TSNARE1: variants seen among roughly 807,000 people sequenced by gnomAD.
The protein encoded by TSNARE1 is t-SNARE domain-containing protein 1.
Under a neutral mutation model 62.0 loss-of-function variants are expected in TSNARE1, and 49 were observed. The ratio of observed to expected loss-of-function variants is 0.79; its 90% confidence interval spans 0.63 to 1.00. The LOEUF (loss-of-function observed/expected upper bound fraction) is 1.00, where lower values mean the gene tolerates loss of function less well. TSNARE1 is among the 50% of genes least tolerant of loss of function. The pLI, the probability that TSNARE1 is intolerant of heterozygous loss-of-function variation, is 0.00. For synonymous variants in TSNARE1, 328 were observed against 294.4 expected (o/e 1.11, Z -1.17); for missense variants, 755 against 700.1 (o/e 1.08, Z -0.88).
rs1004118182 is a variant in TSNARE1 at position 142,275,624 on chromosome 8, C to T, written c.1364-761G>A. 8.3e-5 allele frequency: 82 copies of T among 985,440 alleles called. No homozygotes were observed. In the African/African-American group the frequency reaches 1.3e-3, roughly 16 times the overall value. 61.0% of individuals were successfully genotyped at this position (985,440 alleles called of 1,614,324 possible). On this transcript the variant is annotated intron_variant, in intron 11 of 13. Coordinates refer to ENST00000524325, the MANE Select transcript of TSNARE1 (RefSeq NM_145003.5). ...TCCTCAACAGAGCCACATGCAAACA[C>T]GAGCAAACACGAGCACGGGCAAGCC...
At chr8:142,372,218 G>T (rs564871273) in intron 1 of TSNARE1, among the ~76,000 whole-genome samples, 6 of 152,184 alleles carry the variant, frequency 3.9e-5, no homozygotes, top group Admixed American at 2.6e-4. Flanking sequence ...GCCTGACCCC[G>T]CAGGTCCGCA....
intron 1 of TSNARE1, among the ~76,000 whole-genome samples, chr8:142,361,749 C>T (rs1835179070): frequency 6.6e-6 from 1 of 152,206 alleles, no homozygotes; most frequent in African/African-American, 2.4e-5. Flanking sequence ...CTCAGGCGAG[C>T]TCCACAGGCA....
intron 1 of TSNARE1, among the ~76,000 whole-genome samples, chr8:142,357,093 C>T (rs1267652948): frequency 1.3e-5 from 2 of 152,118 alleles, no homozygotes; most frequent in African/African-American, 4.8e-5. Context: ...AACCACCAGC[C>T]CTGCACAGGC....
chr8:142,396,073 T>C (rs1208816274), intron 1 of TSNARE1, among the ~76,000 whole-genome samples: 1 of 152,072 alleles, frequency 6.6e-6, no homozygotes, highest in African/African-American at 2.4e-5. Context: ...GACAGGACCC[T>C]TGATGACCCA....
At chr8:142,290,156 G>A (rs909837745) in intron 10 of TSNARE1, among the ~76,000 whole-genome samples, 8 of 152,176 alleles carry the variant, frequency 5.3e-5, no homozygotes, top group Admixed American at 6.5e-5. Context: ...CTAGTTCCAG[G>A]CAGAAGCCCC....
intron 13 of TSNARE1, among the ~76,000 whole-genome samples, chr8:142,227,529 G>T (rs1029590041): frequency 1.3e-5 from 2 of 152,114 alleles, no homozygotes; most frequent in African/African-American, 4.8e-5. Flanking sequence ...CCCCCATTCT[G>T]CCCACAACCC....
rs771598348 is a variant in TSNARE1, at chr8:142,318,535, G to A, written c.984+9C>T. On this transcript the variant is annotated intron_variant, in intron 7 of 13. Coordinates refer to ENST00000524325, the MANE Select transcript of TSNARE1 (RefSeq NM_145003.5). Reference sequence around the variant, plus strand: ...TCCTCCCTCCCAGCCCCAGACCCCAGGAACATACCGGGCAGGAGCTGCGCA... The same window carrying A: ...TCCTCCCTCCCAGCCCCAGACCCCAAGAACATACCGGGCAGGAGCTGCGCA... The A allele has an allele frequency of 6.2e-7, 1 of 1,611,540 alleles. No homozygotes were observed. Among genetic ancestry groups the A allele is most frequent in the Non-Finnish European group, 8.5e-7 (1 of 1,179,768 alleles).
intron 1 of TSNARE1, among the ~76,000 whole-genome samples, chr8:142,379,234 G>A (rs1836555537): frequency 6.6e-6 from 1 of 152,240 alleles, no homozygotes; most frequent in African/African-American, 2.4e-5. Context: ...TGCCAGCAAG[G>A]ACAGACCGTC....
At chr8:142,270,784 G>A (rs1819457771) in intron 12 of TSNARE1, 9 of 985,344 alleles carry the variant, frequency 9.1e-6, no homozygotes, top group Non-Finnish European at 8.4e-6. Context: ...CTTCGCAGCT[G>A]CTGCCACATG....
At chr8:142,309,825 C>T (rs1446057150) in intron 9 of TSNARE1, among the ~76,000 whole-genome samples, 2 of 152,184 alleles carry the variant, frequency 1.3e-5, no homozygotes, top group African/African-American at 4.8e-5. Context: ...CTGCTGCTAG[C>T]TACTGCTCAA....
chr8:142,348,468 G>A (rs1196516328), intron 2 of TSNARE1, among the ~76,000 whole-genome samples: 1 of 151,654 alleles, frequency 6.6e-6, no homozygotes, highest in Non-Finnish European at 1.5e-5. Flanking sequence ...GAACACTCCC[G>A]GCCGCCCCAA....
intron 9 of TSNARE1, 130 bp from the exon 10 acceptor site, chr8:142,300,774 G>GTCTGAGGCGACGATCTGGT: frequency 8.2e-7 from 1 of 1,214,160 alleles, no homozygotes; most frequent in Non-Finnish European, 1.1e-6. Context: ...GACGATCTGG[G>GTCTGAGGCGACGATCTGGT]TCTGAGGCGG....
At chr8:142,284,572 C>T (rs1005896291) in intron 10 of TSNARE1, 87 bp from the exon 11 acceptor site, 38 of 1,153,942 alleles carry the variant, frequency 3.3e-5, no homozygotes, top group African/African-American at 1.4e-4. Context: ...GAACCTGGGG[C>T]GGGCCCAGGT....
At chr8:142,318,698 A>G in intron 6 of TSNARE1, 64 bp from the exon 7 acceptor site, 1 of 1,539,078 alleles carries the variant, frequency 6.5e-7, no homozygotes, top group Non-Finnish European at 9.0e-7. Flanking sequence ...GCAAGGGCCC[A>G]GAAGGACGGA....
chr8:142,226,979 G>GC lies in TSNARE1; in HGVS notation c.*11+2493dup, dbSNP rs1280495051. Among the ~76,000 whole-genome samples, 988 of 122,194 alleles carry GC rather than the reference G, an allele frequency of 8.1e-3. 62 individuals are homozygous for GC. The highest frequency in any genetic ancestry group is 0.018 in the Middle Eastern group (4 of 222). The allele number at this position is 122,194 out of a possible 152,430, so 80.2% of individuals were successfully genotyped here. A position where few individuals can be genotyped will look rare whatever the true frequency, so the allele number is the denominator to read the frequency against. On this transcript the variant is annotated intron_variant, in intron 13 of 13. Transcript: ENST00000524325. Reference sequence around the variant, plus strand: ...CCACTGCACCCACACGGCAGTGACAGCAAGGCCCCCCACTGCACCCACACA... The same window carrying GC: ...CCACTGCACCCACACGGCAGTGACAGCCAAGGCCCCCCACTGCACCCACACA...
At chr8:142,260,314 G>C (rs1163031327) in intron 12 of TSNARE1, among the ~76,000 whole-genome samples, 2 of 152,146 alleles carry the variant, frequency 1.3e-5, no homozygotes, top group Non-Finnish European at 2.9e-5. Flanking sequence ...TTTAGAGATG[G>C]AAAGAGAGAA....
chr8:142,396,313 A>C (rs1202063892), intron 1 of TSNARE1, among the ~76,000 whole-genome samples: 2 of 152,044 alleles, frequency 1.3e-5, no homozygotes, highest in African/African-American at 4.8e-5. Context: ...GACACCATCC[A>C]CAGGCAACCA....
chr8:142,277,532 G>A (rs1384350613), intron 11 of TSNARE1: 2 of 985,326 alleles, frequency 2.0e-6, no homozygotes, highest in African/African-American at 1.7e-5. Flanking sequence ...GCCTGCAGCT[G>A]GGATGCCCCC....
chr8:142,370,297 G>A (rs377515205), intron 1 of TSNARE1, among the ~76,000 whole-genome samples: 21 of 152,214 alleles, frequency 1.4e-4, no homozygotes, highest in East Asian at 3.8e-4. Flanking sequence ...GGCCAGGTAT[G>A]GTGGCTCATG....
Sources: gnomAD v4.1 joint callset for allele counts (sites outside exome capture counted in the v4.1 genomes callset) on GRCh38, gnomAD v4.1.1 for gene constraint, MANE v1.5 for transcripts, NCBI Gene and HGNC (gene_info 2026-07-23, HGNC 2026-07-21) for gene names.